Variants in TP53BP2 observed in about 807,000 individuals in gnomAD.
TP53BP2 encodes the protein tumor protein p53 binding protein 2.
TP53BP2 carries 62 observed loss-of-function variants against 126.2 expected under a neutral mutation model. The observed-to-expected ratio is 0.49, with a 90% CI of 0.40 to 0.61. The LOEUF is 0.61. TP53BP2 is among the 20% of genes least tolerant of loss of function. The pLI is 0.00. For synonymous variants in TP53BP2, 485 were observed against 502.9 expected (o/e 0.96, Z 0.48); for missense variants, 1,215 against 1,402.8 (o/e 0.87, Z 2.14).
chr1:223,803,470 C>T lies in TP53BP2; in HGVS notation c.650-18G>A. On this transcript the variant is annotated intron_variant, in intron 6 of 17. Coordinates refer to ENST00000343537, the MANE Select transcript of TP53BP2 (RefSeq NM_001031685.3). ...TTCCTCCACTAGATGAGACAGAGAACAGCAACAACAGTTGAAAAGAAAAAT... is the reference window on the plus strand; with the variant it reads ...TTCCTCCACTAGATGAGACAGAGAATAGCAACAACAGTTGAAAAGAAAAAT... 1 of 1,569,200 alleles carries T rather than the reference C, an allele frequency of 6.4e-7. No individual in the cohort carries two copies. Among genetic ancestry groups the T allele is most frequent in the Non-Finnish European group, 8.7e-7 (1 of 1,156,044 alleles).
At chr1:223,803,011 C>T in intron 7 of TP53BP2, 116 bp from the exon 8 acceptor site, 1 of 1,099,476 alleles carries the variant, frequency 9.1e-7, no homozygotes, top group South Asian at 1.6e-5. Context: ...CCCTCCACCC[C>T]TCCACACTTC....
chr1:223,802,944 T>G, intron 7 of TP53BP2, 49 bp from the exon 8 acceptor site: 2 of 1,600,086 alleles, frequency 1.2e-6, no homozygotes, highest in South Asian at 2.2e-5. Context: ...AGGAAGAAAA[T>G]GTCTCAAACA....
chr1:223,799,785 T>A, intron 11 of TP53BP2, 114 bp downstream of exon 11: 1 of 939,178 alleles, frequency 1.1e-6, no homozygotes, highest in Non-Finnish European at 1.5e-6. Flanking sequence ...TATTTTCTAA[T>A]CTCCTAGGTA....
In TP53BP2 at chr1:223,792,394, A is replaced by G; in HGVS notation, c.2991T>C (p.Asp997=). The G allele has an allele frequency of 1.2e-6, 2 of 1,608,274 alleles. No individual in the cohort carries two copies. The highest frequency in any genetic ancestry group is 8.5e-7 in the Non-Finnish European group (1 of 1,177,030). ...FGVNVNAADS[D]GWTPLHCAAS... is the part of the protein sequence containing the mutation. ...AGTTTAAAAGAAAATCTTACCATCC[A>G]TCACTATCAGCAGCATTTACATTTA... is the stretch of plus-strand genomic sequence containing the variant. Residue 997 remains aspartate (D), a synonymous_variant, in exon 15 of 18, where the codon GAT becomes GAC. Coordinates refer to ENST00000343537, the MANE Select transcript of TP53BP2 (RefSeq NM_001031685.3).
chr1:223,845,206 G>A (rs753036659), intron 1 of TP53BP2: 1 of 981,870 alleles, frequency 1.0e-6, no homozygotes, highest in African/African-American at 1.8e-5. Context: ...TATCAAGATC[G>A]AAATTCAATT....
intron 1 of TP53BP2, among the ~76,000 whole-genome samples, chr1:223,833,320 G>A (rs1469798872): frequency 6.6e-6 from 1 of 152,058 alleles, no homozygotes; most frequent in African/African-American, 2.4e-5. Flanking sequence ...ATATTCAAAG[G>A]ATTTTTTTTA....
In TP53BP2 at chr1:223,845,762, CG is replaced by C. The variant is rs1664253524; in HGVS notation, c.-83del. On this transcript the variant is annotated 5_prime_UTR_variant, in exon 1 of 18. Coordinates refer to ENST00000343537, the MANE Select transcript of TP53BP2 (RefSeq NM_001031685.3). ...GGATGCGGGGGAGGGGAGCGGAGAG[CG>C]AGGCCGCCCGGACCTGTTGCGAGGC... 2 of 1,361,824 alleles carry C rather than the reference CG, an allele frequency of 1.5e-6. No individual in the cohort carries two copies. Among genetic ancestry groups the C allele is most frequent in the East Asian group, 6.3e-5 (2 of 31,768 alleles). 84.4% of individuals were successfully genotyped at this position (1,361,824 alleles called of 1,614,324 possible). A position where few individuals can be genotyped will look rare whatever the true frequency, so the allele number is the denominator to read the frequency against.
chr1:223,798,174 T>C (rs1353413632), intron 12 of TP53BP2, 41 bp downstream of exon 12: 3 of 1,552,424 alleles, frequency 1.9e-6, no homozygotes, highest in Admixed American at 1.8e-5. Flanking sequence ...AGTTCTGGTA[T>C]AGAACTTAAG....
At position 223,804,281 on chromosome 1, in the gene TP53BP2, T is replaced by G; in HGVS notation, c.542A>C (p.Lys181Thr). The G allele has an allele frequency of 6.2e-7, 1 of 1,614,178 alleles. No individual in the cohort carries two copies. The highest frequency in any genetic ancestry group is 8.5e-7 in the Non-Finnish European group (1 of 1,180,028). ...AGCTATTTCTTTTAGCCTTTTAAGT[T>G]TCTCCTGCTCAGCAACTTGTTGCTG... ...RQQQQVAEQEKLKRLKEIAEN... is the reference protein window; with the variant it reads ...RQQQQVAEQETLKRLKEIAEN... Residue 181 changes from lysine to threonine, a missense_variant, in exon 6 of 18, where the codon AAA (lysine) becomes ACA (threonine). By Grantham distance (78) the Lys-to-Thr change is moderately conservative. Coordinates refer to ENST00000343537, the MANE Select transcript of TP53BP2 (RefSeq NM_001031685.3).
At chr1:223,820,908 A>G (rs895656304) in intron 2 of TP53BP2, among the ~76,000 whole-genome samples, 15 of 152,240 alleles carry the variant, frequency 9.9e-5, no homozygotes, top group African/African-American at 3.1e-4. Flanking sequence ...ACCAGTTAGG[A>G]TGCCTCAAAT....
intron 1 of TP53BP2, among the ~76,000 whole-genome samples, chr1:223,841,915 T>TC (rs1664114792): frequency 6.6e-6 from 1 of 150,832 alleles, no homozygotes; most frequent in African/African-American, 2.4e-5. Flanking sequence ...TCTCTTTCTT[T>TC]TTTTTTTTTT....
At chr1:223,798,136 A>G in intron 12 of TP53BP2, 79 bp downstream of exon 12, 1 of 1,368,170 alleles carries the variant, frequency 7.3e-7, no homozygotes, top group Non-Finnish European at 1.0e-6. Context: ...GGGATTAGTT[A>G]TTTTGCTGTC....
intron 1 of TP53BP2, among the ~76,000 whole-genome samples, chr1:223,831,480 A>ATAT (rs1553263390): frequency 4.8e-3 from 154 of 32,218 alleles, no homozygotes; most frequent in Non-Finnish European, 8.0e-3. Context: ...AAAAAAAAAA[A>ATAT]ATATATATAT....
At chr1:223,834,728 G>T in intron 1 of TP53BP2, 1 of 744,746 alleles carries the variant, frequency 1.3e-6, no homozygotes, top group Non-Finnish European at 1.6e-6. Context: ...TAGCTCACCT[G>T]ATTCCTACTC....
Position 223,784,243 on chromosome 1 carries a change from C to G in TP53BP2, c.3235G>C (p.Asp1079His). The change falls in exon 17 of 18, where the codon GAT becomes CAT. Residue 1079 changes from aspartate to histidine, a missense_variant. Transcript: ENST00000343537. ...CCTTCTTTCATGGGCAGCTCATCATCATTCTGAGGTTCATAATCCCAAAGC... is the reference window on the plus strand; with the variant it reads ...CCTTCTTTCATGGGCAGCTCATCATGATTCTGAGGTTCATAATCCCAAAGC... The part of the protein sequence containing the change: ...YALWDYEPQN[D>H]DELPMKEGDC... 1 of 1,614,162 alleles carries G rather than the reference C, an allele frequency of 6.2e-7. No individual in the cohort carries two copies. The highest frequency in any genetic ancestry group is 8.5e-7 in the Non-Finnish European group (1 of 1,180,022).
intron 16 of TP53BP2, among the ~76,000 whole-genome samples, chr1:223,788,676 G>C (rs1220767812): frequency 1.3e-5 from 2 of 152,120 alleles, no homozygotes; most frequent in Non-Finnish European, 2.9e-5. Flanking sequence ...TTAGGAGAGG[G>C]GGGTCTGTTT....
intron 4 of TP53BP2, among the ~76,000 whole-genome samples, chr1:223,809,517 A>T (rs1025624266): frequency 5.9e-5 from 9 of 151,868 alleles, no homozygotes; most frequent in Non-Finnish European, 1.0e-4. Flanking sequence ...CAGTGAGCCG[A>T]GATCACACCA....
At chr1:223,835,583 T>A (rs1478720394) in intron 1 of TP53BP2, among the ~76,000 whole-genome samples, 2 of 152,226 alleles carry the variant, frequency 1.3e-5, no homozygotes, top group Admixed American at 6.5e-5. Flanking sequence ...TCCGTGATGA[T>A]CTAACTACAA....
intron 1 of TP53BP2, among the ~76,000 whole-genome samples, chr1:223,828,637 A>C (rs1201517443): frequency 6.6e-6 from 1 of 152,244 alleles, no homozygotes; most frequent in African/African-American, 2.4e-5. Flanking sequence ...TTAGAATGGA[A>C]TATTATTCAG....
Sources: gnomAD v4.1 joint callset for allele counts (sites outside exome capture counted in the v4.1 genomes callset) on GRCh38, gnomAD v4.1.1 for gene constraint, MANE v1.5 for transcripts, NCBI Gene and HGNC (gene_info 2026-07-23, HGNC 2026-07-21) for gene names.